RAPSN: variants seen among roughly 807,000 people sequenced by gnomAD.
RAPSN encodes the protein receptor associated protein of the synapse.
Under a neutral mutation model 45.7 loss-of-function variants are expected in RAPSN, and 33 were observed. That is an observed-to-expected ratio of 0.72 (90% CI 0.55 to 0.97). The LOEUF (loss-of-function observed/expected upper bound fraction) is 0.97, where lower values mean the gene tolerates loss of function less well. Among genes scored for constraint, RAPSN ranks in the 50% least tolerant of loss-of-function variants. RAPSN has a pLI of 0.00. For synonymous variants in RAPSN, 244 were observed against 233.6 expected, an observed-to-expected ratio of 1.04 and a Z score of -0.40; for missense variants, 519 against 559.4, an observed-to-expected ratio of 0.93 and a Z score of 0.73.
At chr11:47,448,477 A>G (rs2076428543) in intron 1 of RAPSN, among the ~76,000 whole-genome samples, 1 of 127,412 alleles carries the variant, frequency 7.8e-6, no homozygotes, top group Non-Finnish European at 1.6e-5. Flanking sequence ...ACAGAACACC[A>G]GACAGGAAGG....
rs565321918 is a variant in RAPSN at position 47,438,821 on chromosome 11, C to T, written c.1077G>A (p.Thr359=). Reference sequence around the variant, plus strand: ...CGCCGCACAGGCCGCAGTAGAGCTCCGTCTCCTCCACGCACTCGTGGAACC... The same window carrying T: ...CGCCGCACAGGCCGCAGTAGAGCTCTGTCTCCTCCACGCACTCGTGGAACC... ...VVRFHECVEE[T]ELYCGLCGES... Residue 359 remains threonine, a synonymous_variant, in exon 7 of 8, where the codon ACG becomes ACA. Coordinates refer to ENST00000298854, the MANE Select transcript of RAPSN (RefSeq NM_005055.5). 2.3e-5 allele frequency: 36 copies of T among 1,573,804 alleles called. No homozygotes were observed. The highest frequency in any genetic ancestry group is 9.3e-5 in the South Asian group (8 of 85,664).
At chr11:47,441,415 G>T (rs2076361090) in intron 5 of RAPSN, 196 bp downstream of exon 5, 1 of 1,229,304 alleles carries the variant, frequency 8.1e-7, no homozygotes, top group Non-Finnish European at 1.1e-6. Context: ...CAGGGTTCCA[G>T]CCCTTTACTA....
chr11:47,440,611 G>A (rs779345979), intron 6 of RAPSN, among the ~76,000 whole-genome samples: 16 of 152,172 alleles, frequency 1.1e-4, no homozygotes, highest in Non-Finnish European at 2.1e-4. Context: ...AGCCCAGTGT[G>A]GTGGCGGGTG....
At chr11:47,441,779 G>GGCCCCCCCCCC in intron 4 of RAPSN, 44 bp downstream of exon 4, 1 of 1,584,570 alleles carries the variant, frequency 6.3e-7, no homozygotes. Flanking sequence ...TCAGGCCTGT[G>GGCCCCCCCCCC]CCCCTGCCCC....
chr11:47,443,704 A>C (rs1338826263), intron 2 of RAPSN, among the ~76,000 whole-genome samples: 1 of 152,054 alleles, frequency 6.6e-6, no homozygotes, highest in South Asian at 2.1e-4. Context: ...AGGCCAAGAC[A>C]GGAGGAACGC....
At position 47,438,547 on chromosome 11, in the gene RAPSN, C is replaced by T. The variant is rs10769267; in HGVS notation, c.1166+185G>A. 0.68 allele frequency: 440,484 copies of T among 647,192 alleles called. 153,284 individuals are homozygous for T. Among genetic ancestry groups the T allele is most frequent in the South Asian group, 0.77 (37,131 of 48,416 alleles). 40.1% of individuals were successfully genotyped at this position (647,192 alleles called of 1,614,324 possible). A position where few individuals can be genotyped will look rare whatever the true frequency, so the allele number is the denominator to read the frequency against. ...CATGTTGGCCAAGATGATCTTGAAC[C>T]CCGGGGCTCAAGTGATCAGCCCGCC... On this transcript the variant is annotated intron_variant, in intron 7 of 7. Transcript: ENST00000298854.
At chr11:47,440,642 GGAGGCT>G (rs1332885571) in intron 6 of RAPSN, among the ~76,000 whole-genome samples, 1 of 152,188 alleles carries the variant, frequency 6.6e-6, no homozygotes, top group Non-Finnish European at 1.5e-5. Context: ...CAGCTACTCA[GGAGGCT>G]GAAGCAGGAG....
chr11:47,439,861 CA>C (rs1374174615), intron 6 of RAPSN, among the ~76,000 whole-genome samples: 15 of 151,708 alleles, frequency 9.9e-5, no homozygotes, highest in African/African-American at 3.6e-4. Flanking sequence ...TACAGGCGTG[CA>C]CTACCACACC....
rs1161231934 is a variant in RAPSN, at chr11:47,443,931, C to CAAAAAAAAAAAAAAAAAAA, written c.532-1136_532-1118dup. Among the ~76,000 whole-genome samples the CAAAAAAAAAAAAAAAAAAA allele has an allele frequency of 6.9e-3, 96 of 13,922 alleles. 1 individual carries two copies. The highest frequency in any genetic ancestry group is 0.013 in the East Asian group (4 of 300). 9.1% of individuals were successfully genotyped at this position (13,922 alleles called of 152,430 possible). A position where few individuals can be genotyped will look rare whatever the true frequency, so the allele number is the denominator to read the frequency against. On this transcript the variant is annotated intron_variant, in intron 2 of 7. Transcript: ENST00000298854. ...GGTGACAGAGGCAGACTCTGTCTCA[C>CAAAAAAAAAAAAAAAAAAA]AAAAAAAAAAAAAAAAAAAAAAAAA...
chr11:47,442,436 G>C (rs1335319411), intron 3 of RAPSN, among the ~76,000 whole-genome samples: 2 of 152,230 alleles, frequency 1.3e-5, no homozygotes, highest in Admixed American at 1.3e-4. Flanking sequence ...AAGACACGAG[G>C]ATCGCTTCAG....
In RAPSN at chr11:47,438,888, C is replaced by T. The variant is rs768445220; in HGVS notation, c.1010G>A (p.Arg337His). 44 of 1,564,942 alleles carry T rather than the reference C, an allele frequency of 2.8e-5. No individual in the cohort carries two copies. The highest frequency in any genetic ancestry group is 4.7e-5 in the East Asian group (2 of 42,630). Residue 337 changes from arginine (R) to histidine (H), a missense_variant, in exon 7 of 8, where the codon CGC (arginine) becomes CAC (histidine). Physicochemically the swap from Arg to His is conservative, Grantham distance 29. Coordinates refer to ENST00000298854, the MANE Select transcript of RAPSN (RefSeq NM_005055.5). ...CAGTTCCCGCTGCAGCCCTTTGCTG[C>T]GGTAAATGCTCTCGCTCAGACAGTG... Reference protein sequence around the residue: ...KLHCLSESIYRSKGLQRELRA... With the variant: ...KLHCLSESIYHSKGLQRELRA...
At chr11:47,444,348 G>T (rs2153309770) in intron 2 of RAPSN, among the ~76,000 whole-genome samples, 1 of 152,010 alleles carries the variant, frequency 6.6e-6, no homozygotes, top group African/African-American at 2.4e-5. Flanking sequence ...GATCAGCCTG[G>T]GCAACATTGC....
At chr11:47,444,654 C>T (rs992493645) in intron 2 of RAPSN, among the ~76,000 whole-genome samples, 3 of 151,046 alleles carry the variant, frequency 2.0e-5, no homozygotes, top group South Asian at 4.2e-4. Flanking sequence ...GTCAGGAGAT[C>T]GAGACCATCC....
At chr11:47,441,561 A>G (rs766064562) in intron 5 of RAPSN, 50 bp downstream of exon 5, 2 of 1,599,338 alleles carry the variant, frequency 1.3e-6, no homozygotes, top group Non-Finnish European at 1.7e-6. Flanking sequence ...ACTGGCCCCA[A>G]GTGGGGAGTG....
intron 7 of RAPSN, chr11:47,438,403 G>A (rs528496011): frequency 1.8e-6 from 1 of 570,168 alleles, no homozygotes; most frequent in Non-Finnish European, 3.1e-6. Context: ...GCTCACTGCA[G>A]CCTCTGCCTC....
At chr11:47,439,031 T>C in intron 6 of RAPSN, 100 bp from the exon 7 acceptor site, 2 of 1,337,246 alleles carry the variant, frequency 1.5e-6, no homozygotes, top group East Asian at 2.5e-5. Flanking sequence ...CTGATGGACC[T>C]TGGAAAAATG....
Position 47,449,121 on chromosome 11 carries a change from G to T in RAPSN, c.-157C>A. 1 of 859,690 alleles carries T rather than the reference G, an allele frequency of 1.2e-6. No homozygotes were observed. Among genetic ancestry groups the T allele is most frequent in the Non-Finnish European group, 1.9e-6 (1 of 531,956 alleles). 53.3% of individuals were successfully genotyped at this position (859,690 alleles called of 1,614,324 possible). On this transcript the variant is annotated 5_prime_UTR_variant, in exon 1 of 8. Transcript: ENST00000298854. The stretch of plus-strand genomic sequence containing the variant: ...GGAATGGGGCCTGGATGGAGAGCAG[G>T]CGCCACCCTGGGAACAAAGCTGGTT...
intron 3 of RAPSN, among the ~76,000 whole-genome samples, chr11:47,442,320 T>C (rs558345558): frequency 1.4e-4 from 22 of 152,040 alleles, no homozygotes; most frequent in Non-Finnish European, 2.4e-4. Flanking sequence ...GGGGGACAAA[T>C]GTTTCCTTCA....
chr11:47,441,667 C>A lies in RAPSN; in HGVS notation c.856G>T (p.Val286Leu), dbSNP rs1270345856. The A allele has an allele frequency of 6.2e-7, 1 of 1,609,926 alleles. No homozygotes were observed. The highest frequency in any genetic ancestry group is 1.1e-5 in the South Asian group (1 of 90,920). ...TTGGCCACACCCAGCAGCGCCTGCA[C>A]CTGCCCCAGGCGGTTTCCGATCTCG... is the stretch of plus-strand genomic sequence containing the variant. ...MTEIGNRLGQ[V>L]QALLGVAKCW... Residue 286 changes from valine to leucine, a missense_variant, in exon 5 of 8, where the codon GTG becomes TTG. By Grantham distance (32) the Val-to-Leu change is conservative. Transcript: ENST00000298854.
Sources: allele counts gnomAD v4.1 joint callset (sites outside exome capture counted in the v4.1 genomes callset), GRCh38; gene constraint gnomAD v4.1.1; transcripts MANE v1.5; gene names NCBI Gene and HGNC (gene_info 2026-07-23, HGNC 2026-07-21).